MAD1L1: variants seen among roughly 807,000 people sequenced by gnomAD.
MAD1L1 encodes the protein mitotic spindle assembly checkpoint protein MAD1.
In MAD1L1, 95 loss-of-function variants were observed where a neutral mutation model predicts 96.9. The observed-to-expected ratio is 0.98, with a 90% CI of 0.83 to 1.16. MAD1L1 has a LOEUF of 1.16. MAD1L1 is among the 50% of genes most tolerant of loss of function. The pLI is 0.00. For synonymous variants in MAD1L1, 473 were observed against 396.6 expected, an observed-to-expected ratio of 1.19 and a Z score of -2.29; for missense variants, 1,007 against 954.4, an observed-to-expected ratio of 1.06 and a Z score of -0.73.
chr7:1,894,596 C>T (rs1434042773), intron 18 of MAD1L1, among the ~76,000 whole-genome samples: 2 of 152,102 alleles, frequency 1.3e-5, no homozygotes, highest in Non-Finnish European at 2.9e-5. Flanking sequence ...GGCTGCATGC[C>T]CAGTGTCAGC....
rs1784354699 is a variant in MAD1L1 at position 2,055,622 on chromosome 7, A to G, written c.1218+13572T>C. Reference sequence around the variant, plus strand: ...GATGTCGAGGCTGCAGTGAGCCGAGACCACACTACTGTACTCCAGCCTGGG... The same window carrying G: ...GATGTCGAGGCTGCAGTGAGCCGAGGCCACACTACTGTACTCCAGCCTGGG... On this transcript the variant is annotated intron_variant, in intron 12 of 18. Transcript: ENST00000265854. Among the ~76,000 whole-genome samples, 3 of 145,292 alleles carry G rather than the reference A, an allele frequency of 2.1e-5. No individual in the cohort carries two copies. In the South Asian group the frequency reaches 6.7e-4, roughly 32 times the overall value.
At chr7:2,145,859 G>C (rs1268559131) in intron 11 of MAD1L1, among the ~76,000 whole-genome samples, 1 of 152,242 alleles carries the variant, frequency 6.6e-6, no homozygotes, top group Non-Finnish European at 1.5e-5. Context: ...GAACTCCGCA[G>C]AGGAGCCCGA....
At chr7:2,123,730 C>T (rs1562709170) in intron 11 of MAD1L1, among the ~76,000 whole-genome samples, 1 of 152,314 alleles carries the variant, frequency 6.6e-6, no homozygotes, top group African/African-American at 2.4e-5. Context: ...GGCGCTGAAT[C>T]GATAGATCCT....
chr7:2,082,004 G>A (rs1785677612), intron 11 of MAD1L1, among the ~76,000 whole-genome samples: 1 of 152,218 alleles, frequency 6.6e-6, no homozygotes, highest in Admixed American at 6.5e-5. Flanking sequence ...AGAGGTTGGA[G>A]CCAAAGATAG....
chr7:1,995,432 C>G (rs1265887629), intron 14 of MAD1L1, among the ~76,000 whole-genome samples: 1 of 152,214 alleles, frequency 6.6e-6, no homozygotes, highest in Non-Finnish European at 1.5e-5. Flanking sequence ...CTTCCTCTCT[C>G]CACCCTGAGG....
rs1362726848 is a variant in MAD1L1 at position 1,954,265 on chromosome 7, G to A, written c.1596+3364C>T. Among the ~76,000 whole-genome samples, 4 of 152,182 alleles carry A rather than the reference G, an allele frequency of 2.6e-5. No homozygotes were observed. In the East Asian group the frequency reaches 7.7e-4, roughly 29 times the overall value. ...CCATCACCGGAGATCTCCAAAGACAGCCTGCGGGAAAGGCCCGTGCCCTCC... is the reference window on the plus strand; with the variant it reads ...CCATCACCGGAGATCTCCAAAGACAACCTGCGGGAAAGGCCCGTGCCCTCC... On this transcript the variant is annotated intron_variant, in intron 16 of 18. Transcript: ENST00000265854.
intron 18 of MAD1L1, among the ~76,000 whole-genome samples, chr7:1,821,908 G>T (rs1056649721): frequency 6.6e-6 from 1 of 152,168 alleles, no homozygotes; most frequent in African/African-American, 2.4e-5. Context: ...CAGCATGGGA[G>T]CTCCTCACGC....
At chr7:2,073,611 G>C (rs1315964724) in intron 11 of MAD1L1, among the ~76,000 whole-genome samples, 2 of 152,054 alleles carry the variant, frequency 1.3e-5, no homozygotes, top group East Asian at 3.8e-4. Context: ...GTCAAGCATC[G>C]AGCAGCTGAA....
intron 16 of MAD1L1, among the ~76,000 whole-genome samples, chr7:1,954,518 G>A (rs1475999162): frequency 1.3e-5 from 2 of 152,142 alleles, no homozygotes; most frequent in Non-Finnish European, 2.9e-5. Flanking sequence ...GACAGGGGTG[G>A]GGCAGGAGGC....
chr7:2,058,527 C>T (rs1442558289), intron 12 of MAD1L1, among the ~76,000 whole-genome samples: 2 of 83,780 alleles, frequency 2.4e-5, no homozygotes, highest in Non-Finnish European at 4.7e-5. Context: ...AGGAGAGGCG[C>T]AGGGCTGGAG....
At chr7:2,096,679 C>T (rs1216366790) in intron 11 of MAD1L1, among the ~76,000 whole-genome samples, 1 of 152,162 alleles carries the variant, frequency 6.6e-6, no homozygotes, top group East Asian at 1.9e-4. Flanking sequence ...CCAGACTCAG[C>T]CTCAGAGAAC....
intron 10 of MAD1L1, among the ~76,000 whole-genome samples, chr7:2,205,662 T>A (rs545872172): frequency 6.6e-6 from 1 of 152,300 alleles, no homozygotes; most frequent in South Asian, 2.1e-4. Context: ...GGCTCTGCAA[T>A]CATTAAACTC....
rs192462540 is a variant in MAD1L1, at chr7:1,973,840, C to T, written c.1505+6613G>A. Among the ~76,000 whole-genome samples, 308 of 152,332 alleles carry T rather than the reference C, an allele frequency of 2.0e-3. 1 individual carries two copies. The highest frequency in any genetic ancestry group is 6.9e-3 in the African/African-American group (288 of 41,566). ...ACACTACTGGACCAGAGAGCCAGAG[C>T]TGGGCCTGCCTCTGCTGAATGGCAC... On this transcript the variant is annotated intron_variant, in intron 15 of 18. Transcript: ENST00000265854.
At chr7:2,202,521 G>A (rs1160559938) in intron 10 of MAD1L1, among the ~76,000 whole-genome samples, 2 of 152,192 alleles carry the variant, frequency 1.3e-5, no homozygotes, top group Non-Finnish European at 1.5e-5. Flanking sequence ...ATGAACAAAC[G>A]AAAAGGGGAA....
chr7:2,075,845 C>T (rs1483198356), intron 11 of MAD1L1, among the ~76,000 whole-genome samples: 1 of 152,258 alleles, frequency 6.6e-6, no homozygotes, highest in Admixed American at 6.5e-5. Flanking sequence ...TCCTCCCACA[C>T]ACTCTTTGTC....
At chr7:2,000,950 G>A (rs550506630) in intron 14 of MAD1L1, among the ~76,000 whole-genome samples, 67 of 152,324 alleles carry the variant, frequency 4.4e-4, no homozygotes, top group African/African-American at 1.5e-3. Context: ...CCTGGTGCCC[G>A]TACCTCTCAA....
chr7:2,232,500 C>T (rs913160876), intron 1 of MAD1L1, among the ~76,000 whole-genome samples: 2 of 152,230 alleles, frequency 1.3e-5, no homozygotes, highest in African/African-American at 4.8e-5. Flanking sequence ...TTCCTCGGCG[C>T]GCCGGCACCC....
At chr7:1,997,636 C>T (rs1267784328) in intron 14 of MAD1L1, among the ~76,000 whole-genome samples, 3 of 152,270 alleles carry the variant, frequency 2.0e-5, no homozygotes, top group East Asian at 1.9e-4. Context: ...CGGGAAGAAG[C>T]CATGACACTG....
chr7:1,818,987 A>G (rs1687983313), intron 18 of MAD1L1, among the ~76,000 whole-genome samples: 1 of 152,042 alleles, frequency 6.6e-6, no homozygotes, highest in African/African-American at 2.4e-5. Flanking sequence ...CCTGCTGTGC[A>G]GCCCACCTCT....
Sources: gnomAD v4.1 joint callset for allele counts (sites outside exome capture counted in the v4.1 genomes callset) on GRCh38, gnomAD v4.1.1 for gene constraint, MANE v1.5 for transcripts, NCBI Gene and HGNC (gene_info 2026-07-23, HGNC 2026-07-21) for gene names.